TNFRSF8: variants seen among roughly 807,000 people sequenced by gnomAD.
The protein encoded by TNFRSF8 is tumor necrosis factor receptor superfamily member 8.
Under a neutral mutation model 70.8 loss-of-function variants are expected in TNFRSF8, and 26 were observed. The ratio of observed to expected loss-of-function variants is 0.37; its 90% CI spans 0.27 to 0.51. The LOEUF (loss-of-function observed/expected upper bound fraction) is 0.51. TNFRSF8 is among the 20% of genes least tolerant of loss of function. The probability of loss-of-function intolerance (pLI) is 0.94; values close to 1 mark genes in which losing one functional copy is unlikely to be tolerated. For missense variants in TNFRSF8, 720 were observed against 807.9 expected (o/e 0.89, Z 1.32); for synonymous variants, 356 against 339.2 (o/e 1.05, Z -0.54).
chr1:12,101,923 C>T (rs1213487288), intron 3 of TNFRSF8, among the ~76,000 whole-genome samples: 1 of 152,154 alleles, frequency 6.6e-6, no homozygotes, highest in Non-Finnish European at 1.5e-5. Context: ...TATCCGCCCT[C>T]CTCGGCCTCC....
chr1:12,123,976 G>T, intron 10 of TNFRSF8, 149 bp downstream of exon 10: 1 of 634,518 alleles, frequency 1.6e-6, no homozygotes, highest in South Asian at 2.1e-5. Context: ...GGCTTCTTGA[G>T]TTGGTGCTGT....
intron 1 of TNFRSF8, among the ~76,000 whole-genome samples, chr1:12,079,005 C>T (rs977480730): frequency 1.3e-5 from 2 of 152,168 alleles, no homozygotes; most frequent in Non-Finnish European, 2.9e-5. Flanking sequence ...GAGCGCACAG[C>T]GGTGGAGATC....
chr1:12,136,870 C>CTTTTTTTT (rs201470263), intron 13 of TNFRSF8, among the ~76,000 whole-genome samples: 20 of 118,696 alleles, frequency 1.7e-4, no homozygotes, highest in African/African-American at 5.0e-4. Context: ...ATACTCAGTT[C>CTTTTTTTT]TTTTTTTTTT....
intron 3 of TNFRSF8, among the ~76,000 whole-genome samples, chr1:12,099,183 C>T (rs968938950): frequency 7.2e-5 from 11 of 151,990 alleles, no homozygotes; most frequent in African/African-American, 2.7e-4. Context: ...CAGAGTCTGA[C>T]TCTGTCGCCC....
In TNFRSF8 at chr1:12,123,740, G is replaced by A. The variant is rs773459764; in HGVS notation, c.1066G>A (p.Val356Met). The stretch of plus-strand genomic sequence containing the variant: ...CACCAGCCCCACTCAGAGCTTGCTG[G>A]TGGACTCCCAGGCCAGTAAGACGCT... The part of the protein sequence containing the change: ...ASTSPTQSLL[V>M]DSQASKTLPI... The change falls in exon 10 of 15, where the codon GTG (valine) becomes ATG (methionine). Residue 356 changes from valine (V) to methionine (M), a missense_variant. Physicochemically the swap from Val to Met is conservative, Grantham distance 21 (BLOSUM62 1). Coordinates refer to ENST00000263932, the MANE Select transcript of TNFRSF8 (RefSeq NM_001243.5). 5 of 1,570,782 alleles carry A rather than the reference G, an allele frequency of 3.2e-6. No individual in the cohort carries two copies. In the African/African-American group the frequency reaches 5.4e-5, roughly 17 times the overall value.
At chr1:12,115,020 A>G (rs1641703222) in intron 7 of TNFRSF8, among the ~76,000 whole-genome samples, 1 of 152,056 alleles carries the variant, frequency 6.6e-6, no homozygotes. Context: ...AAATCTTTTT[A>G]TTATTAAAAA....
chr1:12,115,712 C>T lies in TNFRSF8; in HGVS notation c.929C>T (p.Thr310Met), dbSNP rs146527504. 52 of 1,614,016 alleles carry T rather than the reference C, an allele frequency of 3.2e-5. No homozygotes were observed. The highest frequency in any genetic ancestry group is 6.7e-5 in the East Asian group (3 of 44,890). ...CCCTACCCAATCTGTGCAGCAGAGA[C>T]GGTCACCAAGCCCCAGGGTAAGCAG... ...CVPYPICAAE[T>M]VTKPQDMAEK... Residue 310 changes from threonine to methionine, a missense_variant, in exon 8 of 15, where the codon ACG (threonine) becomes ATG (methionine). By Grantham distance (81) the Thr-to-Met change is moderately conservative. Transcript: ENST00000263932.
At chr1:12,097,001 G>A (rs1285793835) in intron 2 of TNFRSF8, 100 bp from the exon 3 acceptor site, 1 of 831,116 alleles carries the variant, frequency 1.2e-6, no homozygotes, top group Non-Finnish European at 2.0e-6. Flanking sequence ...GGTTGGAGGT[G>A]GAGCTGGGAG....
At chr1:12,133,354 C>T (rs1570080389) in intron 12 of TNFRSF8, among the ~76,000 whole-genome samples, 1 of 151,884 alleles carries the variant, frequency 6.6e-6, no homozygotes, top group Admixed American at 6.6e-5. Context: ...GTTGGCCACC[C>T]CCAGTGACTT....
In TNFRSF8 at chr1:12,124,690, C is replaced by T. The variant is rs373546217; in HGVS notation, c.1153+863C>T. Among the ~76,000 whole-genome samples, 10 of 152,132 alleles carry T rather than the reference C, an allele frequency of 6.6e-5. No individual in the cohort carries two copies. In the East Asian group the frequency reaches 9.7e-4, roughly 15 times the overall value. On this transcript the variant is annotated intron_variant, in intron 10 of 14. Transcript: ENST00000263932. The stretch of plus-strand genomic sequence containing the variant: ...TACAAAAATTAGCCAGGCGTGGTGG[C>T]GCGCGCCTGTAATCCCAGCTACTCA...
chr1:12,123,787 C>A lies in TNFRSF8; in HGVS notation c.1113C>A (p.Pro371=). Residue 371 remains proline (P), a synonymous_variant, in exon 10 of 15, where the codon CCC becomes CCA. Coordinates refer to ENST00000263932, the MANE Select transcript of TNFRSF8 (RefSeq NM_001243.5). Reference sequence around the variant, plus strand: ...CGCTGCCCATCCCAACCAGCGCTCCCGTCGCTCTCTCCTCCACGGGGAAGC... The same window carrying A: ...CGCTGCCCATCCCAACCAGCGCTCCAGTCGCTCTCTCCTCCACGGGGAAGC... ...SKTLPIPTSA[P]VALSSTGKPV... 1 of 1,577,010 alleles carries A rather than the reference C, an allele frequency of 6.3e-7. No individual in the cohort carries two copies. Among genetic ancestry groups the A allele is most frequent in the South Asian group, 1.2e-5 (1 of 85,856 alleles).
intron 1 of TNFRSF8, among the ~76,000 whole-genome samples, chr1:12,073,476 CT>C (rs1470157760): frequency 4.1e-5 from 6 of 147,496 alleles, no homozygotes; most frequent in Non-Finnish European, 5.9e-5. Context: ...CTTCCTTCTT[CT>C]TTTCTTCTTC....
chr1:12,104,080 A>G (rs4845895), intron 3 of TNFRSF8, among the ~76,000 whole-genome samples: 51,515 of 152,032 alleles, frequency 0.34, 8,932 homozygotes, highest in South Asian at 0.46. Context: ...CGATAGTTTC[A>G]TCTTTTCCAG....
chr1:12,128,810 T>G (rs559652090), intron 12 of TNFRSF8, among the ~76,000 whole-genome samples: 46 of 150,920 alleles, frequency 3.0e-4, no homozygotes, highest in Admixed American at 8.0e-4. Context: ...AACCTCCTGG[T>G]TGAGAACCAC....
Position 12,143,466 on chromosome 1 carries a change from G to A in TNFRSF8, c.*935G>A, listed in dbSNP as rs1001252021. 9 of 152,334 alleles carry A rather than the reference G, an allele frequency of 5.9e-5. No homozygotes were observed. The highest frequency in any genetic ancestry group is 2.2e-4 in the African/African-American group (9 of 41,442). The allele number at this position is 152,334 out of a possible 1,614,324, so 9.4% of individuals were successfully genotyped here. A position where few individuals can be genotyped will look rare whatever the true frequency, so the allele number is the denominator to read the frequency against. On this transcript the variant is annotated 3_prime_UTR_variant, in exon 15 of 15. Transcript: ENST00000263932. The surrounding 1 kb of genome is among the most constrained non-coding windows in gnomAD (Gnocchi z 4.1). ...CCCCACCCACTCTGTCCTGGGAAATGAAGAAGCATCTTCCTTAGGTCTGCC... is the reference window on the plus strand; with the variant it reads ...CCCCACCCACTCTGTCCTGGGAAATAAAGAAGCATCTTCCTTAGGTCTGCC...
chr1:12,138,420 C>T lies in TNFRSF8; in HGVS notation c.1527C>T (p.His509=). 6.2e-7 allele frequency: 1 copy of T among 1,611,758 alleles called. No individual in the cohort carries two copies. Among genetic ancestry groups the T allele is most frequent in the South Asian group, 1.1e-5 (1 of 90,982 alleles). The change falls in exon 14 of 15, where the codon CAC becomes CAT. Residue 509 remains histidine (H), a synonymous_variant. Transcript: ENST00000263932. This position sits in a 1 kb window ranked among gnomAD's most constrained non-coding sequence, Gnocchi z 5.7. ...DLPEPRVSTE[H]TNNKIEKIYI... The stretch of plus-strand genomic sequence containing the variant: ...CTGAGCCCCGGGTGTCCACGGAGCA[C>T]ACCAATAACAAGATTGGTGAGTCAG...
At chr1:12,094,511 C>A (rs1384685317) in intron 2 of TNFRSF8, among the ~76,000 whole-genome samples, 1 of 151,780 alleles carries the variant, frequency 6.6e-6, no homozygotes, top group Non-Finnish European at 1.5e-5. Flanking sequence ...CATGAGAAGC[C>A]TTTGAAAGTT....
intron 3 of TNFRSF8, among the ~76,000 whole-genome samples, chr1:12,098,754 C>T (rs1187133857): frequency 1.3e-5 from 2 of 151,982 alleles, no homozygotes; most frequent in South Asian, 4.2e-4. Flanking sequence ...TCAGAATCTA[C>T]TATCTCTTGC....
intron 1 of TNFRSF8, among the ~76,000 whole-genome samples, chr1:12,070,809 CTA>C (rs1317772802): frequency 6.6e-6 from 1 of 152,136 alleles, no homozygotes; most frequent in African/African-American, 2.4e-5. Flanking sequence ...GAGAAAAGTT[CTA>C]TTTTGCCCAT....
Sources: allele counts gnomAD v4.1 joint callset (sites outside exome capture counted in the v4.1 genomes callset), GRCh38; gene constraint gnomAD v4.1.1; non-coding constraint Gnocchi (gnomAD v3.1); transcripts MANE v1.5; gene names NCBI Gene and HGNC (gene_info 2026-07-23, HGNC 2026-07-21).